The following CSRNP3 variants were observed in gnomAD, a reference collection of about 807,000 sequenced individuals.
CSRNP3 encodes the protein cysteine and serine rich nuclear protein 3.
Under a neutral mutation model 48.0 loss-of-function variants are expected in CSRNP3, and 12 were observed. The ratio of observed to expected loss-of-function variants is 0.25; its 90% CI spans 0.16 to 0.41. The LOEUF (loss-of-function observed/expected upper bound fraction) is 0.41, where lower values mean the gene tolerates loss of function less well. CSRNP3 is among the 10% of genes least tolerant of loss of function. CSRNP3 has a pLI of 1.00. For synonymous variants in CSRNP3, 263 were observed against 269.7 expected, an observed-to-expected ratio of 0.98 and a Z score of 0.24; for missense variants, 580 against 724.4, an observed-to-expected ratio of 0.80 and a Z score of 2.29.
At chr2:165,566,774 T>C (rs1314571937) in intron 3 of CSRNP3, 2 of 151,994 alleles carry the variant, frequency 1.3e-5, no homozygotes, top group South Asian at 2.1e-4. Context: ...TCCCTGCCTC[T>C]AGATGGAGAG....
chr2:165,635,430 C>T (rs1458689744), intron 4 of CSRNP3, among the ~76,000 whole-genome samples: 2 of 152,040 alleles, frequency 1.3e-5, no homozygotes, highest in African/African-American at 2.4e-5. Context: ...CATTGGAAAC[C>T]CTTACCCTCC....
chr2:165,491,932 C>A (rs2105458071), intron 1 of CSRNP3, among the ~76,000 whole-genome samples: 1 of 135,448 alleles, frequency 7.4e-6, no homozygotes. Context: ...CACATGTACC[C>A]TAAAACTTAA....
intron 3 of CSRNP3, among the ~76,000 whole-genome samples, chr2:165,539,558 T>C (rs955552196): frequency 6.6e-6 from 1 of 152,114 alleles, no homozygotes; most frequent in Non-Finnish European, 1.5e-5. Flanking sequence ...CTTTAGTCTG[T>C]TCCATAATTT....
At chr2:165,620,979 TC>T (rs1403936916) in intron 4 of CSRNP3, among the ~76,000 whole-genome samples, 1 of 152,162 alleles carries the variant, frequency 6.6e-6, no homozygotes, top group African/African-American at 2.4e-5. Flanking sequence ...CCCACTTTTT[TC>T]TAGTCTGCTT....
chr2:165,540,065 A>G (rs891425899), intron 3 of CSRNP3, among the ~76,000 whole-genome samples: 2 of 152,096 alleles, frequency 1.3e-5, no homozygotes, highest in Non-Finnish European at 2.9e-5. Flanking sequence ...ATGAAGTGAC[A>G]AGACTCTCCA....
chr2:165,641,103 T>C (rs1288268222), intron 4 of CSRNP3, among the ~76,000 whole-genome samples: 1 of 152,236 alleles, frequency 6.6e-6, no homozygotes, highest in Non-Finnish European at 1.5e-5. Flanking sequence ...ATTATTAAAA[T>C]GTTTAAACAT....
In CSRNP3 at chr2:165,494,849, A is replaced by C. The variant is rs1362405506; in HGVS notation, c.-192A>C. On this transcript the variant is annotated 5_prime_UTR_variant, in exon 2 of 7. Coordinates refer to ENST00000651982, the MANE Select transcript of CSRNP3 (RefSeq NM_001172173.2). ...TCCTCACCCTGCTCTTCAGTGCAGG[A>C]ATCAGATGATGAAGTTTTCAGCTGT... The C allele has an allele frequency of 1.1e-5, 2 of 188,334 alleles. No individual in the cohort carries two copies. The highest frequency in any genetic ancestry group is 2.4e-5 in the Non-Finnish European group (2 of 82,022). 11.7% of individuals were successfully genotyped at this position (188,334 alleles called of 1,614,324 possible). A position where few individuals can be genotyped will look rare whatever the true frequency, so the allele number is the denominator to read the frequency against.
At chr2:165,631,657 A>C (rs1335174510) in intron 4 of CSRNP3, among the ~76,000 whole-genome samples, 2 of 152,246 alleles carry the variant, frequency 1.3e-5, no homozygotes, top group African/African-American at 4.8e-5. Flanking sequence ...ATCAGTAAGT[A>C]AACAATCAGA....
At chr2:165,659,733 C>T (rs1024837080) in intron 5 of CSRNP3, among the ~76,000 whole-genome samples, 2 of 152,176 alleles carry the variant, frequency 1.3e-5, no homozygotes, top group Non-Finnish European at 2.9e-5. Flanking sequence ...ATCCAGCGTA[C>T]TTAACATAAA....
chr2:165,521,240 A>G (rs1684658497), intron 3 of CSRNP3, among the ~76,000 whole-genome samples: 1 of 151,982 alleles, frequency 6.6e-6, no homozygotes, highest in African/African-American at 2.4e-5. Flanking sequence ...GGAAACAAAG[A>G]CTTCTCATGC....
In CSRNP3 at chr2:165,497,118, A is replaced by T. The variant is rs183128868; in HGVS notation, c.-113+2190A>T. ...TAGTGGAGAGTGGTTTTATTTTTTA[A>T]TAACTATTTTGACGTGTGGTTTTAA... On this transcript the variant is annotated intron_variant, in intron 2 of 6. Coordinates refer to ENST00000651982, the MANE Select transcript of CSRNP3 (RefSeq NM_001172173.2). 2.8e-4 allele frequency among the ~76,000 whole-genome samples: 43 copies of T among 152,104 alleles called. No homozygotes were observed. In the East Asian group the frequency reaches 5.8e-3, roughly 21 times the overall value.
chr2:165,574,108 T>G lies in CSRNP3; in HGVS notation c.-23-20935T>G. ...ACCCGTGCCCACTCCCCATCCTGTA[T>G]TCCTGCTCTCCCGTGATTCAGGTAG... On this transcript the variant is annotated intron_variant, in intron 3 of 6. Coordinates refer to ENST00000651982, the MANE Select transcript of CSRNP3 (RefSeq NM_001172173.2). The G allele has an allele frequency of 6.3e-6, 3 of 473,586 alleles. No homozygotes were observed. In the South Asian group the frequency reaches 1.1e-4, roughly 17 times the overall value. 29.3% of individuals were successfully genotyped at this position (473,586 alleles called of 1,614,324 possible).
chr2:165,523,089 C>T (rs138508670), intron 3 of CSRNP3, among the ~76,000 whole-genome samples: 439 of 152,256 alleles, frequency 2.9e-3, no homozygotes, highest in Non-Finnish European at 3.8e-3. Context: ...GTGGAAACTA[C>T]TTGTGAATCT....
intron 3 of CSRNP3, among the ~76,000 whole-genome samples, 173 bp downstream of exon 3, chr2:165,518,134 T>A (rs1474790373): frequency 1.3e-5 from 2 of 151,974 alleles, no homozygotes; most frequent in African/African-American, 2.4e-5. Context: ...ATACAGTATT[T>A]AGTTTCATTA....
At chr2:165,613,277 G>C (rs1686171193) in intron 4 of CSRNP3, among the ~76,000 whole-genome samples, 1 of 151,918 alleles carries the variant, frequency 6.6e-6, no homozygotes, top group Admixed American at 6.6e-5. Context: ...TTGGTTTTTT[G>C]TTCTTGAGTT....
At chr2:165,596,740 G>A (rs529681222) in intron 4 of CSRNP3, among the ~76,000 whole-genome samples, 9 of 151,770 alleles carry the variant, frequency 5.9e-5, no homozygotes, top group Middle Eastern at 3.4e-3. Flanking sequence ...TACTAGTAGT[G>A]ATAATAACAT....
intron 3 of CSRNP3, among the ~76,000 whole-genome samples, chr2:165,577,232 T>A (rs1340710856): frequency 6.6e-6 from 1 of 151,836 alleles, no homozygotes; most frequent in Non-Finnish European, 1.5e-5. Flanking sequence ...CACATTTCTC[T>A]ATTTTAATAT....
intron 3 of CSRNP3, among the ~76,000 whole-genome samples, chr2:165,556,797 A>G (rs1685166028): frequency 6.6e-6 from 1 of 152,220 alleles, no homozygotes; most frequent in Non-Finnish European, 1.5e-5. Context: ...GAACAATATC[A>G]ATATAGCAAT....
At chr2:165,563,265 C>T (rs188932775) in intron 3 of CSRNP3, among the ~76,000 whole-genome samples, 101 of 152,204 alleles carry the variant, frequency 6.6e-4, no homozygotes, top group African/African-American at 2.4e-3. Context: ...AATAGTCAGA[C>T]AAAATTGAAA....
Sources: allele counts gnomAD v4.1 joint callset (sites outside exome capture counted in the v4.1 genomes callset), GRCh38; gene constraint gnomAD v4.1.1; transcripts MANE v1.5; gene names NCBI Gene and HGNC (gene_info 2026-07-23, HGNC 2026-07-21).